Variants in AGO4 observed in about 807,000 individuals in gnomAD.
AGO4 encodes the protein argonaute RISC component 4.
AGO4 carries 33 observed loss-of-function variants against 104.7 expected under a neutral mutation model. The ratio of observed to expected loss-of-function variants is 0.32; its 90% CI spans 0.24 to 0.42. The LOEUF (loss-of-function observed/expected upper bound fraction) is 0.42. AGO4 is among the 10% of genes least tolerant of loss of function. The probability of loss-of-function intolerance (pLI) is 1.00; values close to 1 mark genes in which losing one functional copy is unlikely to be tolerated. For synonymous variants in AGO4, 331 were observed against 364.7 expected, an observed-to-expected ratio of 0.91 and a Z score of 1.05; for missense variants, 711 against 1,083.4, an observed-to-expected ratio of 0.66 and a Z score of 4.83.
rs368433535 is a variant in AGO4 at position 35,833,984 on chromosome 1, T to C, written c.1380-6T>C. On this transcript the variant is annotated splice_polypyrimidine_tract_variant and splice_region_variant and intron_variant, in intron 11 of 17. Coordinates refer to ENST00000373210, the MANE Select transcript of AGO4 (RefSeq NM_017629.4). ...AAAAACCGTGTTACTGGTTCTATTT[T>C]AACAGGAGTTTCACTGACCAGCTGC... 44 of 1,502,894 alleles carry C rather than the reference T, an allele frequency of 2.9e-5. No individual in the cohort carries two copies. Among genetic ancestry groups the C allele is most frequent in the African/African-American group, 4.2e-5 (3 of 71,098 alleles). 93.1% of individuals were successfully genotyped at this position (1,502,894 alleles called of 1,614,324 possible). A position where few individuals can be genotyped will look rare whatever the true frequency, so the allele number is the denominator to read the frequency against.
intron 2 of AGO4, among the ~76,000 whole-genome samples, chr1:35,821,263 G>A (rs1207240463): frequency 6.6e-6 from 1 of 152,148 alleles, no homozygotes; most frequent in African/African-American, 2.4e-5. Flanking sequence ...TTAAAATGGA[G>A]ATTGTACGAT....
intron 8 of AGO4, 85 bp downstream of exon 8, chr1:35,831,659 T>G: frequency 6.5e-7 from 1 of 1,539,634 alleles, no homozygotes. Flanking sequence ...GTGGTGAAAT[T>G]TAGTGTTAAT....
rs1421222412 is a variant in AGO4, at chr1:35,853,786, T to A, written c.*181T>A. 2.0e-6 allele frequency: 1 copy of A among 503,374 alleles called. No homozygotes were observed. The highest frequency in any genetic ancestry group is 2.0e-5 in the African/African-American group (1 of 50,818). 31.2% of individuals were successfully genotyped at this position (503,374 alleles called of 1,614,324 possible). On this transcript the variant is annotated 3_prime_UTR_variant, in exon 18 of 18. Coordinates refer to ENST00000373210, the MANE Select transcript of AGO4 (RefSeq NM_017629.4). ...CTGATGCGTCAACAAAATTGAGCCATTTTTTTAAAGTAATAGATACTAATA... is the reference window on the plus strand; with the variant it reads ...CTGATGCGTCAACAAAATTGAGCCAATTTTTTAAAGTAATAGATACTAATA...
Position 35,816,743 on chromosome 1 carries a change from G to A in AGO4, c.20-139G>A, listed in dbSNP as rs1643713218. 5 of 898,052 alleles carry A rather than the reference G, an allele frequency of 5.6e-6. No homozygotes were observed. In the East Asian group the frequency reaches 1.4e-4, roughly 25 times the overall value. The allele number at this position is 898,052 out of a possible 1,614,324, so 55.6% of individuals were successfully genotyped here. On this transcript the variant is annotated intron_variant, in intron 1 of 17. Transcript: ENST00000373210. The stretch of plus-strand genomic sequence containing the variant: ...GGAACTGGAAGGCAGAGGTTGCAGT[G>A]AGCCAAGATCAAGCCACTGCACTCC...
intron 1 of AGO4, among the ~76,000 whole-genome samples, chr1:35,815,929 C>T (rs1164226269): frequency 1.3e-5 from 2 of 152,164 alleles, no homozygotes; most frequent in South Asian, 2.1e-4. Flanking sequence ...TGTCTTCATT[C>T]TGAGTCCATA....
At chr1:35,848,492 A>ATGCCCC (rs1199480695) in intron 15 of AGO4, among the ~76,000 whole-genome samples, 7 of 152,152 alleles carry the variant, frequency 4.6e-5, no homozygotes, top group Admixed American at 3.9e-4. Flanking sequence ...AGTTCTCTTG[A>ATGCCCC]TGCCCCTGGC....
intron 10 of AGO4, 44 bp from the exon 11 acceptor site, chr1:35,832,393 T>G (rs377518878): frequency 3.9e-6 from 6 of 1,535,094 alleles, no homozygotes; most frequent in Non-Finnish European, 5.2e-6. Context: ...TCTCTTTTCT[T>G]TTGTTTCTTC....
intron 1 of AGO4, among the ~76,000 whole-genome samples, chr1:35,816,181 T>C (rs962753302): frequency 6.6e-6 from 1 of 152,192 alleles, no homozygotes; most frequent in Non-Finnish European, 1.5e-5. Flanking sequence ...TTGTGAGAGA[T>C]TAGTAGGTCA....
chr1:35,856,010 G>A lies in AGO4; in HGVS notation c.*2405G>A, dbSNP rs1017370353. ...GAGCAGGGAGCAAGGCTATGTTCCC[G>A]AAAGCCCTGATTAGCTTGTCTTGCT... On this transcript the variant is annotated 3_prime_UTR_variant, in exon 18 of 18. Transcript: ENST00000373210. The A allele has an allele frequency of 5.9e-5, 9 of 152,390 alleles. No homozygotes were observed. The highest frequency in any genetic ancestry group is 5.2e-4 in the Admixed American group (8 of 15,294). The allele number at this position is 152,390 out of a possible 1,614,324, so 9.4% of individuals were successfully genotyped here.
chr1:35,827,172 G>A (rs1239903648), intron 7 of AGO4, among the ~76,000 whole-genome samples: 1 of 151,898 alleles, frequency 6.6e-6, no homozygotes, highest in Admixed American at 6.6e-5. Context: ...CTGCACTCCA[G>A]CCTGGGCAAC....
At chr1:35,833,578 G>A (rs1644236175) in intron 11 of AGO4, among the ~76,000 whole-genome samples, 1 of 152,134 alleles carries the variant, frequency 6.6e-6, no homozygotes, top group Non-Finnish European at 1.5e-5. Context: ...GTTCTCAGTT[G>A]AGCACAAGCT....
chr1:35,836,514 A>G (rs980911707), intron 13 of AGO4, among the ~76,000 whole-genome samples: 1 of 152,208 alleles, frequency 6.6e-6, no homozygotes, highest in Non-Finnish European at 1.5e-5. Flanking sequence ...GGTTCACGCC[A>G]TTCTTCTGCC....
At chr1:35,831,094 G>C (rs534061301) in intron 7 of AGO4, among the ~76,000 whole-genome samples, 1 of 152,184 alleles carries the variant, frequency 6.6e-6, no homozygotes, top group South Asian at 2.1e-4. Flanking sequence ...AGTCACAGTG[G>C]CTCACGCCTG....
At chr1:35,852,978 C>G (rs1278750889) in intron 17 of AGO4, among the ~76,000 whole-genome samples, 2 of 152,144 alleles carry the variant, frequency 1.3e-5, no homozygotes, top group Non-Finnish European at 2.9e-5. Flanking sequence ...TGGCCTGGCG[C>G]GGTGGCTCAC....
intron 15 of AGO4, among the ~76,000 whole-genome samples, chr1:35,844,372 T>C (rs1644517165): frequency 6.6e-6 from 1 of 152,156 alleles, no homozygotes; most frequent in African/African-American, 2.4e-5. Context: ...AAGAACCATA[T>C]TACAAATTCA....
chr1:35,835,637 AG>A (rs1216414840), intron 12 of AGO4, among the ~76,000 whole-genome samples, 196 bp from the exon 13 acceptor site: 4 of 152,018 alleles, frequency 2.6e-5, no homozygotes, highest in Admixed American at 1.3e-4. Flanking sequence ...AAAGGAGAGA[AG>A]GGAGGGCCTA....
intron 12 of AGO4, among the ~76,000 whole-genome samples, 160 bp from the exon 13 acceptor site, chr1:35,835,674 C>T (rs1644297021): frequency 6.6e-6 from 1 of 152,014 alleles, no homozygotes; most frequent in South Asian, 2.1e-4. Context: ...AAAAATTGCC[C>T]TGGGGGTTTA....
At chr1:35,838,268 G>A (rs553162465) in intron 13 of AGO4, among the ~76,000 whole-genome samples, 1 of 152,228 alleles carries the variant, frequency 6.6e-6, no homozygotes, top group South Asian at 2.1e-4. Context: ...GGCCAGGCTG[G>A]TGGTCTTGAG....
At position 35,846,237 on chromosome 1, in the gene AGO4, T is replaced by C. The variant is rs570078199; in HGVS notation, c.2176-3920T>C. Among the ~76,000 whole-genome samples, 6 of 152,292 alleles carry C rather than the reference T, an allele frequency of 3.9e-5. No homozygotes were observed. The South Asian group carries it at 1.0e-3, about 26-fold the overall frequency. ...TCACTGTATATTAAGTCAGCCAAGC[T>C]AGAAACTTCAGAGTTGTCTTTAAAT... On this transcript the variant is annotated intron_variant, in intron 15 of 17. Coordinates refer to ENST00000373210, the MANE Select transcript of AGO4 (RefSeq NM_017629.4).
Sources: gnomAD v4.1 joint callset for allele counts (sites outside exome capture counted in the v4.1 genomes callset) on GRCh38, gnomAD v4.1.1 for gene constraint, MANE v1.5 for transcripts, NCBI Gene and HGNC (gene_info 2026-07-23, HGNC 2026-07-21) for gene names.